The following PLPPR1 variants were observed in gnomAD, a reference collection of about 807,000 sequenced individuals.
PLPPR1 encodes phospholipid phosphatase related 1, also known as phospholipid phosphatase-related protein type 1.
A neutral mutation model predicts 33.1 loss-of-function variants in PLPPR1; 10 were observed. That is an observed-to-expected ratio of 0.30 (90% CI 0.19 to 0.51). PLPPR1 has a LOEUF of 0.51. Ranked by LOEUF, PLPPR1 falls within the 20% of genes least tolerant of loss-of-function variation. The pLI is 0.97. For missense variants in PLPPR1, 304 were observed against 408.1 expected (o/e 0.74, Z 2.20); for synonymous variants, 151 against 151.0 (o/e 1.00, Z 0.00).
chr9:101,313,182 G>T (rs1306502292), intron 6 of PLPPR1, among the ~76,000 whole-genome samples: 1 of 152,146 alleles, frequency 6.6e-6, no homozygotes, highest in Admixed American at 6.5e-5. Context: ...AATTCCTTCT[G>T]GGTGGCAGGG....
intron 1 of PLPPR1, among the ~76,000 whole-genome samples, chr9:101,147,886 T>C (rs1479107752): frequency 6.6e-6 from 1 of 152,220 alleles, no homozygotes; most frequent in Non-Finnish European, 1.5e-5. Context: ...AGGAGTGTTC[T>C]GACCTCAAAG....
At chr9:101,175,319 A>C (rs1196848720) in intron 1 of PLPPR1, among the ~76,000 whole-genome samples, 1 of 152,170 alleles carries the variant, frequency 6.6e-6, no homozygotes, top group East Asian at 1.9e-4. Flanking sequence ...TGTATTTTAC[A>C]ATTGAATTGG....
At chr9:101,144,372 C>T (rs1831496454) in intron 1 of PLPPR1, among the ~76,000 whole-genome samples, 1 of 152,084 alleles carries the variant, frequency 6.6e-6, no homozygotes, top group Non-Finnish European at 1.5e-5. Context: ...TGTAACAAAC[C>T]TGCATGTAGT....
intron 2 of PLPPR1, among the ~76,000 whole-genome samples, chr9:101,242,910 T>C (rs1254117280): frequency 6.6e-6 from 1 of 152,044 alleles, no homozygotes; most frequent in African/African-American, 2.4e-5. Context: ...TGTCATGTGC[T>C]ATAACAGGAA....
chr9:101,168,751 G>T (rs1005497125), intron 1 of PLPPR1, among the ~76,000 whole-genome samples: 3 of 152,080 alleles, frequency 2.0e-5, no homozygotes, highest in African/African-American at 7.2e-5. Flanking sequence ...AAATAATTTA[G>T]TTAAAGGCAT....
intron 2 of PLPPR1, among the ~76,000 whole-genome samples, chr9:101,206,168 C>A (rs1826585393): frequency 6.6e-6 from 1 of 152,184 alleles, no homozygotes; most frequent in South Asian, 2.1e-4. Context: ...AAACTATTGA[C>A]CTGTAATGAT....
At chr9:101,047,009 G>C (rs1180935618) in intron 1 of PLPPR1, among the ~76,000 whole-genome samples, 2 of 152,036 alleles carry the variant, frequency 1.3e-5, no homozygotes, top group South Asian at 4.2e-4. Context: ...GGATGAAACT[G>C]TTCCACCTCA....
At position 101,286,157 on chromosome 9, in the gene PLPPR1, G is replaced by C. The variant is rs749367626; in HGVS notation, c.306G>C (p.Leu102=). 2.5e-6 allele frequency: 4 copies of C among 1,612,896 alleles called. No homozygotes were observed. The highest frequency in any genetic ancestry group is 2.2e-5 in the South Asian group (2 of 91,050). Residue 102 remains leucine (L), a synonymous_variant, in exon 4 of 8, where the codon CTG becomes CTC. Transcript: ENST00000374874. ...TCATAAAATCAACAAGAGAATCCCT[G>C]ATTGCTCAGGAGAAAACAATTCTGA... is the stretch of plus-strand genomic sequence containing the variant. ...MYFIKSTRES[L]IAQEKTILTG...
intron 1 of PLPPR1, among the ~76,000 whole-genome samples, chr9:101,172,602 C>T (rs78856831): frequency 0.029 from 4,479 of 152,106 alleles, 193 homozygotes; most frequent in African/African-American, 0.093. Flanking sequence ...TGGGTAGTTT[C>T]CACCCATGCA....
intron 1 of PLPPR1, among the ~76,000 whole-genome samples, chr9:101,099,436 G>GA (rs1830867761): frequency 2.0e-5 from 3 of 151,520 alleles, no homozygotes; most frequent in Non-Finnish European, 2.9e-5. Flanking sequence ...ATTGTGGTGG[G>GA]AAAAAAAAGC....
chr9:101,108,860 C>T lies in PLPPR1; in HGVS notation c.-45-76590C>T, dbSNP rs945651447. ...TGCAATGGGTTTATTAGTGTTATTCCTGAATTAATAAATATTTTTTCAGTT... is the reference window on the plus strand; with the variant it reads ...TGCAATGGGTTTATTAGTGTTATTCTTGAATTAATAAATATTTTTTCAGTT... On this transcript the variant is annotated intron_variant, in intron 1 of 7. Transcript: ENST00000374874. 1.8e-4 allele frequency among the ~76,000 whole-genome samples: 27 copies of T among 151,838 alleles called. No individual in the cohort carries two copies. In the East Asian group the frequency reaches 4.5e-3, roughly 25 times the overall value.
chr9:101,244,927 C>CA (rs1438419717), intron 2 of PLPPR1, among the ~76,000 whole-genome samples: 1 of 151,642 alleles, frequency 6.6e-6, no homozygotes, highest in Non-Finnish European at 1.5e-5. Flanking sequence ...AAAGAGGAAA[C>CA]ATGAAAAGAT....
chr9:101,110,763 A>C (rs1335779252), intron 1 of PLPPR1, among the ~76,000 whole-genome samples: 4 of 152,180 alleles, frequency 2.6e-5, no homozygotes, highest in Non-Finnish European at 5.9e-5. Context: ...ATGGAGGAAG[A>C]AAAAATATAG....
intron 1 of PLPPR1, among the ~76,000 whole-genome samples, chr9:101,078,548 C>A (rs1830578732): frequency 6.6e-6 from 1 of 151,794 alleles, no homozygotes; most frequent in Non-Finnish European, 1.5e-5. Context: ...GTAAATCTGG[C>A]CAGGCATGGT....
chr9:101,174,985 G>A (rs1825996630), intron 1 of PLPPR1, among the ~76,000 whole-genome samples: 1 of 152,082 alleles, frequency 6.6e-6, no homozygotes, highest in South Asian at 2.1e-4. Context: ...TGCATAATGA[G>A]CTTCAAGTAC....
chr9:101,231,894 C>T (rs1328858158), intron 2 of PLPPR1, among the ~76,000 whole-genome samples: 2 of 152,074 alleles, frequency 1.3e-5, no homozygotes, highest in Non-Finnish European at 1.5e-5. Context: ...CTCTCATTAT[C>T]TTCCTTACAT....
chr9:101,088,403 A>C (rs1564141219), intron 1 of PLPPR1, among the ~76,000 whole-genome samples: 1 of 150,498 alleles, frequency 6.6e-6, no homozygotes, highest in Non-Finnish European at 1.5e-5. Flanking sequence ...ATTATTGAAA[A>C]AAAGTAATTC....
chr9:101,228,673 C>T (rs963004554), intron 2 of PLPPR1, among the ~76,000 whole-genome samples: 3 of 151,898 alleles, frequency 2.0e-5, no homozygotes, highest in Non-Finnish European at 2.9e-5. Context: ...GGGGATGTGA[C>T]GTATTAGGGA....
chr9:101,252,329 T>A (rs1038288655), intron 2 of PLPPR1, among the ~76,000 whole-genome samples: 3 of 152,124 alleles, frequency 2.0e-5, no homozygotes, highest in Non-Finnish European at 4.4e-5. Context: ...GAACTAGGTG[T>A]TCACCTGATT....
Sources: gnomAD v4.1 joint callset for allele counts (sites outside exome capture counted in the v4.1 genomes callset) on GRCh38, gnomAD v4.1.1 for gene constraint, MANE v1.5 for transcripts, NCBI Gene and HGNC (gene_info 2026-07-23, HGNC 2026-07-21) for gene names.